CACNG3: variants seen among roughly 807,000 people sequenced by gnomAD.
CACNG3 encodes the protein calcium voltage-gated channel auxiliary subunit gamma 3.
CACNG3 carries 3 observed loss-of-function variants against 28.5 expected under a neutral mutation model. The observed-to-expected ratio is 0.11, with a 90% confidence interval of 0.05 to 0.27. The LOEUF is 0.27. CACNG3 is among the 10% of genes least tolerant of loss of function. The probability of loss-of-function intolerance (pLI) is 1.00; values close to 1 mark genes in which losing one functional copy is unlikely to be tolerated. For missense variants in CACNG3, 236 were observed against 414.4 expected (o/e 0.57, Z 3.74); for synonymous variants, 174 against 162.2 (o/e 1.07, Z -0.55).
At chr16:24,331,724 C>T (rs1283878995) in intron 1 of CACNG3, among the ~76,000 whole-genome samples, 2 of 152,132 alleles carry the variant, frequency 1.3e-5, no homozygotes, top group Admixed American at 6.5e-5. Flanking sequence ...TCCCACTTTC[C>T]CCCTCACTCA....
chr16:24,275,218 T>G (rs1275620518), intron 1 of CACNG3, among the ~76,000 whole-genome samples: 1 of 152,122 alleles, frequency 6.6e-6, no homozygotes, highest in Admixed American at 6.5e-5. Flanking sequence ...TATGATTTGC[T>G]TTTTTCAATG....
chr16:24,289,856 C>T (rs1898942821), intron 1 of CACNG3, among the ~76,000 whole-genome samples: 1 of 152,202 alleles, frequency 6.6e-6, no homozygotes, highest in Non-Finnish European at 1.5e-5. Context: ...CGAGTTCATC[C>T]TTATAAAAGG....
chr16:24,344,142 G>A (rs1378146864), intron 1 of CACNG3, among the ~76,000 whole-genome samples: 4 of 151,998 alleles, frequency 2.6e-5, no homozygotes, highest in Admixed American at 2.0e-4. Flanking sequence ...GATAAAACAC[G>A]TAAATGTGGC....
Position 24,361,869 on chromosome 16 carries a change from C to A in CACNG3, c.*6C>A, listed in dbSNP as rs750673689. 2.5e-6 allele frequency: 4 copies of A among 1,593,694 alleles called. No homozygotes were observed. Among genetic ancestry groups the A allele is most frequent in the Non-Finnish European group, 3.4e-6 (4 of 1,173,250 alleles). On this transcript the variant is annotated 3_prime_UTR_variant, in exon 4 of 4. Transcript: ENST00000005284. This position sits in a 1 kb window ranked among gnomAD's most constrained non-coding sequence, Gnocchi z 6.8. ...GGCGCACCACGCCCGTCTGAACTGA[C>A]CTCTGACCTCTGCCCCACGCCCAGC...
chr16:24,320,720 C>T (rs1174171347), intron 1 of CACNG3, among the ~76,000 whole-genome samples: 1 of 151,972 alleles, frequency 6.6e-6, no homozygotes, highest in Non-Finnish European at 1.5e-5. Flanking sequence ...ACAATTCATA[C>T]GTTTTTCTTA....
intron 1 of CACNG3, among the ~76,000 whole-genome samples, chr16:24,258,689 C>T (rs577387871): frequency 6.6e-6 from 1 of 152,222 alleles, no homozygotes; most frequent in East Asian, 1.9e-4. Flanking sequence ...ATTGAATTAT[C>T]TTTTGTAAAA....
At chr16:24,297,106 T>A (rs1357772440) in intron 1 of CACNG3, among the ~76,000 whole-genome samples, 1 of 151,912 alleles carries the variant, frequency 6.6e-6, no homozygotes, top group Non-Finnish European at 1.5e-5. Flanking sequence ...GAAACAAAAA[T>A]TAGCTGGGCA....
chr16:24,256,382 G>A lies in CACNG3; in HGVS notation c.-373G>A, dbSNP rs116166933. The A allele has an allele frequency of 5.3e-3, 1,431 of 272,258 alleles. 20 individuals are homozygous for A. The highest frequency in any genetic ancestry group is 0.029 in the African/African-American group (1,329 of 45,436). 16.9% of individuals were successfully genotyped at this position (272,258 alleles called of 1,614,324 possible). A position where few individuals can be genotyped will look rare whatever the true frequency, so the allele number is the denominator to read the frequency against. On this transcript the variant is annotated 5_prime_UTR_variant, in exon 1 of 4. Coordinates refer to ENST00000005284, the MANE Select transcript of CACNG3 (RefSeq NM_006539.4). This position sits in a 1 kb window ranked among gnomAD's most constrained non-coding sequence, Gnocchi z 4.6. ...GGGTTTCTTTGCCTTGAGTCTCCCGGGGCTGTGAGAAGCCAGGCGCATCTC... is the reference window on the plus strand; with the variant it reads ...GGGTTTCTTTGCCTTGAGTCTCCCGAGGCTGTGAGAAGCCAGGCGCATCTC...
chr16:24,312,920 G>GAAAGAAAGA (rs1899285369), intron 1 of CACNG3, among the ~76,000 whole-genome samples: 54 of 122,128 alleles, frequency 4.4e-4, no homozygotes, highest in African/African-American at 1.7e-3. Flanking sequence ...AGGAAGGAAG[G>GAAAGAAAGA]AAGAAAGAAA....
intron 1 of CACNG3, among the ~76,000 whole-genome samples, chr16:24,321,496 C>T (rs1316187264): frequency 6.6e-6 from 1 of 152,026 alleles, no homozygotes; most frequent in Non-Finnish European, 1.5e-5. Context: ...AGAGTTGTCT[C>T]GGTTATCAGA....
intron 1 of CACNG3, among the ~76,000 whole-genome samples, chr16:24,332,583 C>G (rs548618158): frequency 6.6e-6 from 1 of 152,074 alleles, no homozygotes; most frequent in Non-Finnish European, 1.5e-5. Context: ...TTATTAGAAG[C>G]GGTAATTTGT....
intron 1 of CACNG3, among the ~76,000 whole-genome samples, chr16:24,317,130 T>A (rs1899362233): frequency 6.6e-6 from 1 of 152,166 alleles, no homozygotes; most frequent in African/African-American, 2.4e-5. Context: ...ATCCCATGTC[T>A]CAGGGGCATG....
chr16:24,265,332 GAAGGAAAGAAAGAAA>G (rs1281561716), intron 1 of CACNG3, among the ~76,000 whole-genome samples: 2 of 120,824 alleles, frequency 1.7e-5, no homozygotes, highest in East Asian at 2.2e-4. Context: ...GGAAAAGAAA[GAAGGAAAGAAAGAAA>G]AAGGAAAGAA....
At chr16:24,312,999 GAAAGAA>G (rs1366576499) in intron 1 of CACNG3, among the ~76,000 whole-genome samples, 3 of 134,320 alleles carry the variant, frequency 2.2e-5, no homozygotes, top group African/African-American at 8.2e-5. Flanking sequence ...AAGAAAGAAA[GAAAGAA>G]AAAGAGAGAA....
intron 1 of CACNG3, among the ~76,000 whole-genome samples, chr16:24,307,121 C>A (rs965570110): frequency 6.6e-6 from 1 of 152,066 alleles, no homozygotes. Flanking sequence ...CAAATGCCAT[C>A]TTTGCTGTTG....
chr16:24,287,584 G>T (rs1484214209), intron 1 of CACNG3, among the ~76,000 whole-genome samples: 1 of 151,590 alleles, frequency 6.6e-6, no homozygotes, highest in East Asian at 1.9e-4. Flanking sequence ...AATGACCTGG[G>T]TAGGAAACCA....
intron 1 of CACNG3, among the ~76,000 whole-genome samples, chr16:24,278,291 A>G (rs569336063): frequency 5.3e-5 from 8 of 152,272 alleles, no homozygotes; most frequent in African/African-American, 1.9e-4. Context: ...GCCTTGGGGG[A>G]ACATCCATGC....
At chr16:24,282,221 A>G (rs184860138) in intron 1 of CACNG3, among the ~76,000 whole-genome samples, 76 of 152,178 alleles carry the variant, frequency 5.0e-4, no homozygotes, top group African/African-American at 1.8e-3. Context: ...CTCTAGGTCA[A>G]ACATGAATTA....
chr16:24,335,183 G>C (rs1368405510), intron 1 of CACNG3, among the ~76,000 whole-genome samples: 2 of 152,160 alleles, frequency 1.3e-5, no homozygotes, highest in Non-Finnish European at 2.9e-5. Context: ...GCTTTGGGAG[G>C]CTGAGGCAGG....
Sources: gnomAD v4.1 joint callset for allele counts (sites outside exome capture counted in the v4.1 genomes callset) on GRCh38, gnomAD v4.1.1 for gene constraint, Gnocchi (gnomAD v3.1) non-coding constraint, MANE v1.5 for transcripts, NCBI Gene and HGNC (gene_info 2026-07-23, HGNC 2026-07-21) for gene names.